CCDC90B: variants seen among roughly 807,000 people sequenced by gnomAD.
CCDC90B encodes coiled-coil domain-containing protein 90B, mitochondrial.
In CCDC90B, 24 loss-of-function variants were observed where a neutral mutation model predicts 37.0. The observed-to-expected ratio is 0.65, with a 90% CI of 0.47 to 0.91. The LOEUF (loss-of-function observed/expected upper bound fraction) is 0.91. Ranked by LOEUF, CCDC90B falls within the 40% of genes least tolerant of loss-of-function variation. The pLI is 0.00. For synonymous variants in CCDC90B, 113 were observed against 101.1 expected, an observed-to-expected ratio of 1.12 and a Z score of -0.71; for missense variants, 319 against 299.0, an observed-to-expected ratio of 1.07 and a Z score of -0.49.
At chr11:83,269,592 C>T (rs1010716095) in intron 7 of CCDC90B, among the ~76,000 whole-genome samples, 2 of 152,134 alleles carry the variant, frequency 1.3e-5, no homozygotes, top group African/African-American at 2.4e-5. Flanking sequence ...ATATACCCTC[C>T]CAAGACTAAA....
At chr11:83,269,235 G>C (rs1864488917) in intron 7 of CCDC90B, among the ~76,000 whole-genome samples, 1 of 152,086 alleles carries the variant, frequency 6.6e-6, no homozygotes, top group Admixed American at 6.5e-5. Flanking sequence ...ACATTCAAAA[G>C]CTAGCAGAAG....
chr11:83,275,232 A>T (rs1406291905), intron 3 of CCDC90B, among the ~76,000 whole-genome samples: 3 of 152,160 alleles, frequency 2.0e-5, no homozygotes, highest in Admixed American at 6.6e-5. Context: ...ATTCCTGGGT[A>T]TCCTCCCTAT....
At chr11:83,277,278 C>T (rs1259906869) in intron 3 of CCDC90B, among the ~76,000 whole-genome samples, 1 of 152,070 alleles carries the variant, frequency 6.6e-6, no homozygotes, top group African/African-American at 2.4e-5. Flanking sequence ...TCAGTAGCTC[C>T]ATATAGCTCT....
Position 83,285,915 on chromosome 11 carries a change from C to T in CCDC90B, c.58G>A (p.Val20Ile). ...GAGAAATGCCCGCGGGGCCTTGAAACCCAACGATCTCCTCTGCCTTGGGAG... is the reference window on the plus strand; with the variant it reads ...GAGAAATGCCCGCGGGGCCTTGAAATCCAACGATCTCCTCTGCCTTGGGAG... ...FLSQGRGDRWVSRPRGHFSPA... is the reference protein window; with the variant it reads ...FLSQGRGDRWISRPRGHFSPA... Residue 20 changes from valine (V) to isoleucine (I), a missense_variant, in exon 1 of 9, where the codon GTT becomes ATT. Physicochemically the swap from Val to Ile is conservative, Grantham distance 29. Transcript: ENST00000529689. 3 of 1,613,628 alleles carry T rather than the reference C, an allele frequency of 1.9e-6. No homozygotes were observed. The highest frequency in any genetic ancestry group is 2.5e-6 in the Non-Finnish European group (3 of 1,179,918).
intron 1 of CCDC90B, 111 bp downstream of exon 1, chr11:83,285,762 G>C (rs561013751): frequency 2.8e-5 from 41 of 1,475,148 alleles, no homozygotes; most frequent in Non-Finnish European, 3.6e-5. Flanking sequence ...GCGTGAATCC[G>C]GGAGGAGGGC....
chr11:83,269,768 A>T (rs1864538173), intron 7 of CCDC90B, among the ~76,000 whole-genome samples: 1 of 152,198 alleles, frequency 6.6e-6, no homozygotes, highest in Non-Finnish European at 1.5e-5. Flanking sequence ...AACTATTCCA[A>T]TCAACAGAAA....
chr11:83,275,210 A>G (rs1375503154), intron 3 of CCDC90B, among the ~76,000 whole-genome samples: 1 of 152,146 alleles, frequency 6.6e-6, no homozygotes, highest in Non-Finnish European at 1.5e-5. Flanking sequence ...CAACATAACC[A>G]ATTTTGTTTA....
At position 83,263,571 on chromosome 11, in the gene CCDC90B, C is replaced by A. The variant is rs538542518; in HGVS notation, c.710-1605G>T. Among the ~76,000 whole-genome samples, 47 of 152,318 alleles carry A rather than the reference C, an allele frequency of 3.1e-4. No homozygotes were observed. The South Asian group carries it at 7.5e-3, about 24-fold the overall frequency. ...CCACGAACAAAATCTGCCACATTAT[C>A]TACATAGATTAAATGGAAATTGCCA... On this transcript the variant is annotated intron_variant, in intron 8 of 8. Transcript: ENST00000529689.
Position 83,280,143 on chromosome 11 carries a change from T to A in CCDC90B, c.218A>T (p.His73Leu), listed in dbSNP as rs759235734. The A allele has an allele frequency of 4.1e-5, 66 of 1,609,742 alleles. No individual in the cohort carries two copies. In the East Asian group the frequency reaches 1.5e-3, roughly 36 times the overall value. Residue 73 changes from histidine to leucine, a missense_variant and splice_region_variant, in exon 2 of 9, where the codon CAT becomes CTT. Coordinates refer to ENST00000529689, the MANE Select transcript of CCDC90B (RefSeq NM_021825.5). ...CAGGAGGTATCCATGTTTCTCACCA[T>A]GAGTTTCCAAGTCCTGAACCAATGC... Reference protein sequence around the residue: ...THALVQDLETHGFDKTQAETI... With the variant: ...THALVQDLETLGFDKTQAETI...
At chr11:83,269,139 C>T (rs1175243534) in intron 7 of CCDC90B, among the ~76,000 whole-genome samples, 1 of 152,128 alleles carries the variant, frequency 6.6e-6, no homozygotes, top group Non-Finnish European at 1.5e-5. Context: ...ATTTATAGCA[C>T]TAAATGCCCA....
intron 2 of CCDC90B, 72 bp from the exon 3 acceptor site, chr11:83,278,901 C>T: frequency 2.6e-6 from 2 of 776,956 alleles, no homozygotes; most frequent in Non-Finnish European, 4.4e-6. Context: ...GCAAGAGTAA[C>T]TCCTCAACAT....
In CCDC90B at chr11:83,265,942, T is replaced by C. The variant is rs1316574026; in HGVS notation, c.632A>G (p.Asn211Ser). 6.2e-7 allele frequency: 1 copy of C among 1,610,844 alleles called. No homozygotes were observed. Among genetic ancestry groups the C allele is most frequent in the Non-Finnish European group, 8.5e-7 (1 of 1,177,444 alleles). Residue 211 changes from asparagine to serine, a missense_variant, in exon 8 of 9, where the codon AAT (asparagine) becomes AGT (serine). By Grantham distance (46) the Asn-to-Ser change is conservative. Transcript: ENST00000529689. Reference protein sequence around the residue: ...QTKSIISETSNKIDAEIASLK... With the variant: ...QTKSIISETSSKIDAEIASLK... ...GGAAGCAATTTCAGCGTCAATTTTA[T>C]TACTGGTCTCTGAAATAATACTTTT... is the stretch of plus-strand genomic sequence containing the variant.
rs1863828248 is a variant in CCDC90B at position 83,259,166 on chromosome 11, C to T, written c.*2745G>A. The T allele has an allele frequency of 6.6e-6, 1 of 152,162 alleles. No individual in the cohort carries two copies. Among genetic ancestry groups the T allele is most frequent in the Non-Finnish European group, 1.5e-5 (1 of 68,040 alleles). The allele number at this position is 152,162 out of a possible 1,614,324, so 9.4% of individuals were successfully genotyped here. ...CATGTGTCTAGAGGCCTTCTGAGAACTTGTAGTTTAGTGTAGGAAAAAGAT... is the reference window on the plus strand; with the variant it reads ...CATGTGTCTAGAGGCCTTCTGAGAATTTGTAGTTTAGTGTAGGAAAAAGAT... On this transcript the variant is annotated 3_prime_UTR_variant, in exon 9 of 9. Coordinates refer to ENST00000529689, the MANE Select transcript of CCDC90B (RefSeq NM_021825.5).
At chr11:83,268,341 CT>C (rs1298186816) in intron 7 of CCDC90B, among the ~76,000 whole-genome samples, 1 of 151,842 alleles carries the variant, frequency 6.6e-6, no homozygotes, top group Non-Finnish European at 1.5e-5. Context: ...CATCAGTGTG[CT>C]GTACTGAGGA....
In CCDC90B at chr11:83,260,742, A is replaced by G. The variant is rs1863890751; in HGVS notation, c.*1169T>C. On this transcript the variant is annotated 3_prime_UTR_variant, in exon 9 of 9. Coordinates refer to ENST00000529689, the MANE Select transcript of CCDC90B (RefSeq NM_021825.5). ...TGATCTGGGTAAGACTGAAGAACTAAGATGAAAAGGATATTTTAAAATTTC... is the reference window on the plus strand; with the variant it reads ...TGATCTGGGTAAGACTGAAGAACTAGGATGAAAAGGATATTTTAAAATTTC... 1 of 152,236 alleles carries G rather than the reference A, an allele frequency of 6.6e-6. No homozygotes were observed. Among genetic ancestry groups the G allele is most frequent in the Admixed American group, 6.5e-5 (1 of 15,286 alleles). The allele number at this position is 152,236 out of a possible 1,614,324, so 9.4% of individuals were successfully genotyped here.
intron 7 of CCDC90B, among the ~76,000 whole-genome samples, chr11:83,268,802 T>TAC (rs1864458137): frequency 6.6e-6 from 1 of 152,184 alleles, no homozygotes; most frequent in Non-Finnish European, 1.5e-5. Flanking sequence ...CAACAGAGTA[T>TAC]ACATTCTTCT....
At chr11:83,285,511 C>T in intron 1 of CCDC90B, 1 of 1,135,778 alleles carries the variant, frequency 8.8e-7, no homozygotes, top group South Asian at 2.1e-5. Context: ...AAAATTTGAT[C>T]AGGCCACAAA....
intron 3 of CCDC90B, among the ~76,000 whole-genome samples, chr11:83,277,388 C>G (rs1179690267): frequency 6.6e-6 from 1 of 152,102 alleles, no homozygotes; most frequent in Non-Finnish European, 1.5e-5. Flanking sequence ...CATGTACAAA[C>G]TTAAAGGTAA....
intron 7 of CCDC90B, among the ~76,000 whole-genome samples, chr11:83,271,971 T>C (rs1342029917): frequency 1.3e-5 from 2 of 152,156 alleles, no homozygotes; most frequent in Non-Finnish European, 2.9e-5. Context: ...TGCAGGGACA[T>C]GGATGAAGCC....
Sources: gnomAD v4.1 joint callset for allele counts (sites outside exome capture counted in the v4.1 genomes callset) on GRCh38, gnomAD v4.1.1 for gene constraint, MANE v1.5 for transcripts, NCBI Gene and HGNC (gene_info 2026-07-23, HGNC 2026-07-21) for gene names.